The following IKZF5 variants were observed in gnomAD, a reference collection of about 807,000 sequenced individuals.
The protein encoded by IKZF5 is zinc finger protein Pegasus.
In IKZF5, 4 loss-of-function variants were observed where a neutral mutation model predicts 30.7. That is an observed-to-expected ratio of 0.13 (90% CI 0.06 to 0.30). IKZF5 has a LOEUF of 0.30. Among genes scored for constraint, IKZF5 ranks in the 10% least tolerant of loss-of-function variants. The pLI is 1.00. For missense variants in IKZF5, 348 were observed against 525.5 expected (o/e 0.66, Z 3.30); for synonymous variants, 148 against 179.6 (o/e 0.82, Z 1.41).
chr10:123,007,566 T>C (rs1213466494), intron 1 of IKZF5, among the ~76,000 whole-genome samples: 2 of 152,080 alleles, frequency 1.3e-5, no homozygotes, highest in African/African-American at 2.4e-5. Flanking sequence ...TAGTCCTAAG[T>C]AGGGAAATGG....
intron 2 of IKZF5, among the ~76,000 whole-genome samples, chr10:123,004,832 C>A (rs1849724025): frequency 6.6e-6 from 1 of 152,060 alleles, no homozygotes; most frequent in Non-Finnish European, 1.5e-5. Flanking sequence ...TCCCATATAT[C>A]CATATACACA....
intron 2 of IKZF5, among the ~76,000 whole-genome samples, chr10:123,003,299 T>C (rs1426065863): frequency 6.6e-6 from 1 of 152,162 alleles, no homozygotes; most frequent in South Asian, 2.1e-4. Flanking sequence ...ACATAGCATT[T>C]ACATTGTATT....
intron 3 of IKZF5, 136 bp downstream of exon 3, chr10:122,998,357 A>G (rs1849461298): frequency 4.5e-6 from 3 of 669,616 alleles, no homozygotes; most frequent in Non-Finnish European, 7.0e-6. Context: ...AAAAAGGGGG[A>G]AAAAATGCCC....
chr10:123,001,545 CAA>C (rs1374700765), intron 2 of IKZF5, among the ~76,000 whole-genome samples: 1 of 151,856 alleles, frequency 6.6e-6, no homozygotes, highest in East Asian at 1.9e-4. Context: ...TACTTTTTTC[CAA>C]AGAGATATCC....
intron 1 of IKZF5, among the ~76,000 whole-genome samples, chr10:123,007,625 G>C (rs1325082318): frequency 1.3e-5 from 2 of 152,036 alleles, no homozygotes; most frequent in African/African-American, 2.4e-5. Context: ...ACCCGATAAG[G>C]GCACATCTGA....
At position 122,993,679 on chromosome 10, in the gene IKZF5, C is replaced by G; in HGVS notation, c.*101G>C. On this transcript the variant is annotated 3_prime_UTR_variant, in exon 5 of 5. Transcript: ENST00000368886. Reference sequence around the variant, plus strand: ...ATATTCTATAAATATAATGTATAAGCCTTGAATTAGCAGACACTTTATTAG... The same window carrying G: ...ATATTCTATAAATATAATGTATAAGGCTTGAATTAGCAGACACTTTATTAG... 1.5e-6 allele frequency: 1 copy of G among 676,432 alleles called. No homozygotes were observed. The highest frequency in any genetic ancestry group is 2.5e-6 in the Non-Finnish European group (1 of 402,280). 41.9% of individuals were successfully genotyped at this position (676,432 alleles called of 1,614,324 possible).
At chr10:122,997,585 T>C (rs1298731478) in intron 3 of IKZF5, 1 of 152,274 alleles carries the variant, frequency 6.6e-6, no homozygotes, top group African/African-American at 2.4e-5. Context: ...TCCCTGCTGC[T>C]AGTCCCTGCA....
intron 3 of IKZF5, among the ~76,000 whole-genome samples, chr10:122,996,528 T>TA (rs11329642): frequency 0.12 from 16,958 of 140,046 alleles, 1,058 homozygotes; most frequent in Middle Eastern, 0.21. Context: ...TGTCTCTACT[T>TA]AAAAAAAAAA....
chr10:123,006,354 A>T (rs1849781263), intron 2 of IKZF5, among the ~76,000 whole-genome samples: 1 of 152,186 alleles, frequency 6.6e-6, no homozygotes, highest in Non-Finnish European at 1.5e-5. Context: ...GAAGCTGTTG[A>T]TCAATGCAAG....
At chr10:123,006,604 G>A (rs1041864278) in intron 2 of IKZF5, among the ~76,000 whole-genome samples, 1 of 152,098 alleles carries the variant, frequency 6.6e-6, no homozygotes, top group Non-Finnish European at 1.5e-5. Flanking sequence ...GATATGTTTC[G>A]TTCACCTAGC....
At chr10:122,996,370 G>A (rs1430045967) in intron 3 of IKZF5, among the ~76,000 whole-genome samples, 194 bp from the exon 4 acceptor site, 1 of 152,048 alleles carries the variant, frequency 6.6e-6, no homozygotes, top group African/African-American at 2.4e-5. Context: ...ATTATATTCT[G>A]AGAACCTTTT....
At chr10:123,004,987 T>C (rs1427855600) in intron 2 of IKZF5, among the ~76,000 whole-genome samples, 1 of 151,974 alleles carries the variant, frequency 6.6e-6, no homozygotes, top group Non-Finnish European at 1.5e-5. Context: ...AATTGAAAAA[T>C]AGTAATAATT....
chr10:123,000,168 A>G (rs1267130497), intron 2 of IKZF5, among the ~76,000 whole-genome samples: 3 of 152,166 alleles, frequency 2.0e-5, no homozygotes, highest in African/African-American at 7.2e-5. Context: ...TCAGCACCAC[A>G]ATCAAGAAAC....
rs1431319522 is a variant in IKZF5 at position 122,994,703 on chromosome 10, G to T, written c.337C>A (p.His113Asn). ...TAAGCAGATGCAAATGGACAAAGAT[G>T]ACATCGATGAGGTTTTTCACCTGTT... ...IHTGEKPHRCHLCPFASAYER... is the reference protein window; with the variant it reads ...IHTGEKPHRCNLCPFASAYER... The change falls in exon 5 of 5, where the codon CAT becomes AAT. Residue 113 changes from histidine to asparagine, a missense_variant. By Grantham distance (68) the His-to-Asn change is moderately conservative. This residue lies in a region of IKZF5 where 36 missense variants were observed against 129.4 expected (regional missense o/e 0.28). Coordinates refer to ENST00000368886, the MANE Select transcript of IKZF5 (RefSeq NM_001372123.1). This position sits in a 1 kb window ranked among gnomAD's most constrained non-coding sequence, Gnocchi z 5.6. 6.2e-7 allele frequency: 1 copy of T among 1,604,410 alleles called. No homozygotes were observed. Among genetic ancestry groups the T allele is most frequent in the South Asian group, 1.1e-5 (1 of 89,142 alleles).
At position 123,001,508 on chromosome 10, in the gene IKZF5, G is replaced by A. The variant is rs1347372155; in HGVS notation, c.-46-2837C>T. On this transcript the variant is annotated intron_variant, in intron 2 of 4. Transcript: ENST00000368886. ...ATTTTTATCTGGACTTGAGTTTTGT[G>A]TATGGTGTGAGATAAGAGTCAAAGC... Among the ~76,000 whole-genome samples, 4 of 152,090 alleles carry A rather than the reference G, an allele frequency of 2.6e-5. No individual in the cohort carries two copies. In the East Asian group the frequency reaches 5.8e-4, roughly 22 times the overall value.
At chr10:123,007,688 A>G (rs1233530755) in intron 1 of IKZF5, among the ~76,000 whole-genome samples, 2 of 152,186 alleles carry the variant, frequency 1.3e-5, no homozygotes, top group Admixed American at 1.3e-4. Flanking sequence ...TTTTCTGGGA[A>G]ACATCCTGGA....
chr10:123,003,409 G>A (rs545532689), intron 2 of IKZF5, among the ~76,000 whole-genome samples: 26 of 152,052 alleles, frequency 1.7e-4, no homozygotes, highest in Non-Finnish European at 3.2e-4. Context: ...TGGAGCACCC[G>A]CAAATTTTGC....
intron 1 of IKZF5, 39 bp downstream of exon 1, chr10:123,008,650 TCCTGC>T (rs1025901745): frequency 7.9e-6 from 3 of 380,782 alleles, no homozygotes; most frequent in African/African-American, 6.2e-5. Context: ...ATCCGCCCTG[TCCTGC>T]CGCGTCGCCG....
At position 122,994,114 on chromosome 10, in the gene IKZF5, G is replaced by T. The variant is rs1849267943; in HGVS notation, c.926C>A (p.Ser309Tyr). The change falls in exon 5 of 5, where the codon TCT becomes TAT. Residue 309 changes from serine (S) to tyrosine (Y), a missense_variant. Ser to Tyr is a moderately radical substitution (Grantham distance 144). Coordinates refer to ENST00000368886, the MANE Select transcript of IKZF5 (RefSeq NM_001372123.1). This position sits in a 1 kb window ranked among gnomAD's most constrained non-coding sequence, Gnocchi z 5.6. The part of the protein sequence containing the change: ...AVSASIPQSS[S>Y]PTSPEPRPSH... ...TGGCCGAGGTTCTGGGCTTGTGGGA[G>T]AGGAGCTCTGAGGAATACTTGCTGA... 6.2e-7 allele frequency: 1 copy of T among 1,614,178 alleles called. No individual in the cohort carries two copies. The highest frequency in any genetic ancestry group is 8.5e-7 in the Non-Finnish European group (1 of 1,180,040).
Sources: gnomAD v4.1 joint callset for allele counts (sites outside exome capture counted in the v4.1 genomes callset) on GRCh38, gnomAD v4.1.1 for gene constraint, gnomAD v4.1.1 regional missense constraint, Gnocchi (gnomAD v3.1) non-coding constraint, MANE v1.5 for transcripts, NCBI Gene and HGNC (gene_info 2026-07-23, HGNC 2026-07-21) for gene names.